The following LMF1 variants were observed in gnomAD, a reference collection of about 807,000 sequenced individuals.
The protein encoded by LMF1 is transmembrane protein 112.
LMF1 carries 68 observed loss-of-function variants against 60.6 expected under a neutral mutation model. The ratio of observed to expected loss-of-function variants is 1.12; its 90% CI spans 0.92 to 1.37. The LOEUF is 1.37. Among genes scored for constraint, LMF1 ranks in the 40% most tolerant of loss-of-function variants. The pLI is 0.00. For missense variants in LMF1, 948 were observed against 767.2 expected, an observed-to-expected ratio of 1.24 and a Z score of -2.78; for synonymous variants, 418 against 324.7, an observed-to-expected ratio of 1.29 and a Z score of -3.09.
chr16:911,959 G>T (rs2071135786), intron 3 of LMF1, among the ~76,000 whole-genome samples: 1 of 152,164 alleles, frequency 6.6e-6, no homozygotes, highest in African/African-American at 2.4e-5. Flanking sequence ...GCGGATGCGG[G>T]TCGCCATTCC....
At chr16:924,450 C>T (rs964574572) in intron 3 of LMF1, among the ~76,000 whole-genome samples, 1 of 152,194 alleles carries the variant, frequency 6.6e-6, no homozygotes, top group Admixed American at 6.5e-5. Context: ...TCAGGCCACA[C>T]TGGCCACAGT....
chr16:869,847 G>A (rs1339092021), intron 9 of LMF1, 36 bp downstream of exon 9: 2 of 1,595,984 alleles, frequency 1.3e-6, no homozygotes, highest in South Asian at 1.1e-5. Flanking sequence ...GTGGGGTACA[G>A]GCAGGTCCAT....
chr16:955,355 C>T (rs543312239), intron 1 of LMF1, among the ~76,000 whole-genome samples: 6 of 146,000 alleles, frequency 4.1e-5, no homozygotes, highest in East Asian at 2.0e-4. Flanking sequence ...GAACCCGACC[C>T]GTTACATAAA....
intron 6 of LMF1, 127 bp from the exon 7 acceptor site, chr16:871,468 C>T (rs1027714604): frequency 2.5e-5 from 24 of 966,466 alleles, no homozygotes; most frequent in East Asian, 1.1e-4. Context: ...TGCTGTCCCT[C>T]GGGCCCAGCA....
intron 1 of LMF1, among the ~76,000 whole-genome samples, chr16:969,988 T>C (rs1333895933): frequency 6.6e-6 from 1 of 152,164 alleles, no homozygotes; most frequent in Non-Finnish European, 1.5e-5. Flanking sequence ...CTCTGCTCTG[T>C]AGGCTGCGCA....
At chr16:964,984 G>A (rs969230333) in intron 1 of LMF1, among the ~76,000 whole-genome samples, 1 of 152,226 alleles carries the variant, frequency 6.6e-6, no homozygotes, top group African/African-American at 2.4e-5. Flanking sequence ...ACGCCTAAAG[G>A]ACAAAACTAG....
intron 1 of LMF1, chr16:964,102 C>T (rs1244444021): frequency 2.2e-6 from 1 of 456,042 alleles, no homozygotes; most frequent in Non-Finnish European, 4.4e-6. Context: ...GAGCAGCCAA[C>T]AGCAGGCATG....
At chr16:862,120 C>G (rs368412217) in intron 10 of LMF1, among the ~76,000 whole-genome samples, 1 of 152,092 alleles carries the variant, frequency 6.6e-6, no homozygotes, top group East Asian at 1.9e-4. Flanking sequence ...CTGGAATAAT[C>G]CCTACTTGGT....
intron 7 of LMF1, 87 bp downstream of exon 7, chr16:871,074 T>C: frequency 1.4e-6 from 2 of 1,440,724 alleles, no homozygotes; most frequent in South Asian, 1.4e-5. Context: ...TACCCTGGCG[T>C]CCCCAACCCA....
rs538010858 is a variant in LMF1 at position 893,365 on chromosome 16, G to A, written c.664-293C>T. ...TTCTCAGAGCTCCACGCATCATCACGCTACAGAAGTTGCGTGTCTTTAAAG... is the reference window on the plus strand; with the variant it reads ...TTCTCAGAGCTCCACGCATCATCACACTACAGAAGTTGCGTGTCTTTAAAG... On this transcript the variant is annotated intron_variant, in intron 4 of 10. Transcript: ENST00000262301. 1.9e-5 allele frequency: 10 copies of A among 532,468 alleles called. No individual in the cohort carries two copies. In the East Asian group the frequency reaches 1.9e-4, roughly 10 times the overall value. 33.0% of individuals were successfully genotyped at this position (532,468 alleles called of 1,614,324 possible).
chr16:979,405 C>T (rs1244136360), intron 1 of LMF1: 1 of 352,854 alleles, frequency 2.8e-6, no homozygotes, highest in Admixed American at 3.8e-5. Context: ...GACTCCCCAC[C>T]TCCCCACCCC....
rs974436124 is a variant in LMF1 at position 854,120 on chromosome 16, G to A, written c.*412C>T. ...TGGCTGGGAACACACCATTGAAGAG[G>A]GAACAGAAACCAGGCCCTGGGACGC... On this transcript the variant is annotated 3_prime_UTR_variant, in exon 11 of 11. Coordinates refer to ENST00000262301, the MANE Select transcript of LMF1 (RefSeq NM_022773.4). 11 of 463,610 alleles carry A rather than the reference G, an allele frequency of 2.4e-5. No individual in the cohort carries two copies. The highest frequency in any genetic ancestry group is 2.0e-4 in the African/African-American group (10 of 50,402). The allele number at this position is 463,610 out of a possible 1,614,324, so 28.7% of individuals were successfully genotyped here.
intron 3 of LMF1, among the ~76,000 whole-genome samples, chr16:917,620 G>A (rs1416079477): frequency 3.3e-5 from 5 of 152,222 alleles, no homozygotes; most frequent in Admixed American, 6.5e-5. Context: ...GACCCCTCCG[G>A]CTCACTGGAG....
intron 1 of LMF1, among the ~76,000 whole-genome samples, chr16:960,432 G>A (rs372926000): frequency 0.023 from 1,025 of 44,678 alleles, 105 homozygotes; most frequent in African/African-American, 0.12. Flanking sequence ...ACGGGATCAC[G>A]ACCCAGACAC....
At chr16:930,344 G>A (rs1223104985) in intron 3 of LMF1, among the ~76,000 whole-genome samples, 3 of 152,242 alleles carry the variant, frequency 2.0e-5, no homozygotes, top group Non-Finnish European at 2.9e-5. Context: ...ACAGTAGAGA[G>A]ATGTGAACGG....
intron 1 of LMF1, among the ~76,000 whole-genome samples, chr16:965,862 G>A (rs533048659): frequency 7.2e-5 from 11 of 152,248 alleles, no homozygotes; most frequent in African/African-American, 2.4e-4. Flanking sequence ...CACCTGCTAC[G>A]GGTCAGCACA....
chr16:978,532 A>G (rs1416823278), intron 1 of LMF1, among the ~76,000 whole-genome samples: 1 of 152,048 alleles, frequency 6.6e-6, no homozygotes, highest in Non-Finnish European at 1.5e-5. Context: ...AGGCCAGGGC[A>G]TGTGGAGCTA....
chr16:967,111 A>C (rs72769436), intron 1 of LMF1, among the ~76,000 whole-genome samples: 12,584 of 152,212 alleles, frequency 0.083, 529 homozygotes, highest in South Asian at 0.16. Flanking sequence ...GCGCTGTAAC[A>C]GACACAGGGC....
At chr16:972,119 C>T (rs769193927), upstream of LMF1, among the ~76,000 whole-genome samples, 3 of 152,216 alleles carry the variant, frequency 2.0e-5, no homozygotes, top group Non-Finnish European at 4.4e-5. Context: ...TGACTGTGGA[C>T]ATCGGGCCCC....
Sources: gnomAD v4.1 joint callset for allele counts (sites outside exome capture counted in the v4.1 genomes callset) on GRCh38, gnomAD v4.1.1 for gene constraint, MANE v1.5 for transcripts, NCBI Gene and HGNC (gene_info 2026-07-23, HGNC 2026-07-21) for gene names.